Variants in SLC24A3 observed in about 807,000 individuals in gnomAD.
SLC24A3 encodes the protein solute carrier family 24 member 3.
In SLC24A3, 28 loss-of-function variants were observed where a neutral mutation model predicts 75.8. That is an observed-to-expected ratio of 0.37 (90% CI 0.27 to 0.51). SLC24A3 has a LOEUF of 0.51. Ranked by LOEUF, SLC24A3 falls within the 20% of genes least tolerant of loss-of-function variation. The pLI is 0.94. For synonymous variants in SLC24A3, 372 were observed against 334.1 expected (o/e 1.11, Z -1.24); for missense variants, 663 against 847.8 (o/e 0.78, Z 2.71).
chr20:19,633,692 A>G (rs999623584), intron 6 of SLC24A3, among the ~76,000 whole-genome samples: 4 of 149,136 alleles, frequency 2.7e-5, no homozygotes, highest in African/African-American at 9.8e-5. Flanking sequence ...GTATTGGATT[A>G]GGGTCCACCT....
At chr20:19,608,048 T>A (rs1177527566) in intron 6 of SLC24A3, among the ~76,000 whole-genome samples, 1 of 152,232 alleles carries the variant, frequency 6.6e-6, no homozygotes, top group African/African-American at 2.4e-5. Flanking sequence ...CATCTCCCAA[T>A]TTTAAAAGTG....
chr20:19,364,679 T>G (rs1445622305), intron 2 of SLC24A3, among the ~76,000 whole-genome samples: 1 of 152,156 alleles, frequency 6.6e-6, no homozygotes, highest in Non-Finnish European at 1.5e-5. Context: ...GGTCTCAAAC[T>G]CCTGGACTCA....
chr20:19,306,592 T>A (rs1232488054), intron 2 of SLC24A3, among the ~76,000 whole-genome samples: 3 of 152,070 alleles, frequency 2.0e-5, no homozygotes, highest in Non-Finnish European at 4.4e-5. Context: ...AAGTGAATTA[T>A]CGCAAGAACA....
intron 6 of SLC24A3, among the ~76,000 whole-genome samples, chr20:19,617,744 G>T (rs1390857638): frequency 6.6e-6 from 1 of 152,128 alleles, no homozygotes; most frequent in South Asian, 2.1e-4. Context: ...CCCATCCCTA[G>T]CCCATAAGTT....
intron 2 of SLC24A3, among the ~76,000 whole-genome samples, chr20:19,333,313 AATAT>A (rs1262769558): frequency 6.2e-4 from 95 of 152,204 alleles, no homozygotes; most frequent in African/African-American, 2.2e-3. Context: ...CCCTGGACTT[AATAT>A]TTATCTGCCC....
intron 6 of SLC24A3, among the ~76,000 whole-genome samples, chr20:19,629,293 A>T (rs1444066628): frequency 6.6e-6 from 1 of 152,196 alleles, no homozygotes; most frequent in East Asian, 1.9e-4. Flanking sequence ...TCAACAGTAT[A>T]CTGTATCAAG....
At chr20:19,401,279 C>T (rs1335477343) in intron 2 of SLC24A3, among the ~76,000 whole-genome samples, 1 of 152,210 alleles carries the variant, frequency 6.6e-6, no homozygotes, top group Non-Finnish European at 1.5e-5. Flanking sequence ...ACACCAGCCT[C>T]TCTCATCTCT....
intron 6 of SLC24A3, among the ~76,000 whole-genome samples, chr20:19,637,013 G>A (rs577265821): frequency 6.6e-6 from 1 of 152,278 alleles, no homozygotes; most frequent in East Asian, 1.9e-4. Flanking sequence ...AAAAGAAATT[G>A]TTGGCCTGGC....
At chr20:19,441,637 T>C (rs536153186) in intron 2 of SLC24A3, among the ~76,000 whole-genome samples, 22 of 152,194 alleles carry the variant, frequency 1.4e-4, no homozygotes, top group Admixed American at 9.8e-4. Context: ...TATATTAGTG[T>C]GGTACATTTA....
intron 8 of SLC24A3, among the ~76,000 whole-genome samples, chr20:19,666,413 G>A (rs2032400112): frequency 6.6e-6 from 1 of 152,112 alleles, no homozygotes; most frequent in Non-Finnish European, 1.5e-5. Flanking sequence ...GGCTGAGGCA[G>A]GAGAATGGCA....
At chr20:19,290,421 G>A (rs997223122) in intron 2 of SLC24A3, among the ~76,000 whole-genome samples, 3 of 152,168 alleles carry the variant, frequency 2.0e-5, no homozygotes, top group African/African-American at 4.8e-5. Flanking sequence ...TTAGGGGAAC[G>A]ATTAGGTCAT....
rs138162471 is a variant in SLC24A3 at position 19,250,991 on chromosome 20, A to G, written c.143-29968A>G. Among the ~76,000 whole-genome samples, 300 of 152,310 alleles carry G rather than the reference A, an allele frequency of 2.0e-3. 5 individuals carry two copies. The East Asian group carries it at 0.041, about 21-fold the overall frequency. On this transcript the variant is annotated intron_variant, in intron 1 of 16. Coordinates refer to ENST00000328041, the MANE Select transcript of SLC24A3 (RefSeq NM_020689.4). ...ACGTTTTAGTTTGTCCCATTCCAAAATCATTATACTTTTCCATATATAAAT... is the reference window on the plus strand; with the variant it reads ...ACGTTTTAGTTTGTCCCATTCCAAAGTCATTATACTTTTCCATATATAAAT...
chr20:19,613,366 A>C (rs1202039961), intron 6 of SLC24A3, among the ~76,000 whole-genome samples: 4 of 152,198 alleles, frequency 2.6e-5, no homozygotes, highest in Non-Finnish European at 4.4e-5. Flanking sequence ...CACCATAATC[A>C]AGTGCCTATC....
chr20:19,612,607 A>AGTGTGTGTGTGT (rs71198018), intron 6 of SLC24A3, among the ~76,000 whole-genome samples: 16,416 of 146,722 alleles, frequency 0.11, 973 homozygotes, highest in Admixed American at 0.15. Context: ...CCTTAAGAAA[A>AGTGTGTGTGTGT]GTGTGTGTGT....
At chr20:19,234,340 A>G (rs1982106791) in intron 1 of SLC24A3, among the ~76,000 whole-genome samples, 1 of 152,212 alleles carries the variant, frequency 6.6e-6, no homozygotes, top group South Asian at 2.1e-4. Flanking sequence ...ATTGCCTGTG[A>G]AAGAGAAGTT....
At chr20:19,365,568 TG>T (rs1230788759) in intron 2 of SLC24A3, among the ~76,000 whole-genome samples, 3 of 152,230 alleles carry the variant, frequency 2.0e-5, no homozygotes, top group Non-Finnish European at 4.4e-5. Context: ...GATTTTTTTT[TG>T]AAGTTGCTAT....
chr20:19,480,681 T>C (rs927438522), intron 2 of SLC24A3, among the ~76,000 whole-genome samples: 1 of 152,128 alleles, frequency 6.6e-6, no homozygotes, highest in African/African-American at 2.4e-5. Flanking sequence ...CTTATTCTCA[T>C]GGTTGGGAGG....
chr20:19,721,235 G>A lies in SLC24A3; in HGVS notation c.*95G>A, dbSNP rs1276793911. On this transcript the variant is annotated 3_prime_UTR_variant, in exon 17 of 17. Coordinates refer to ENST00000328041, the MANE Select transcript of SLC24A3 (RefSeq NM_020689.4). ...TCACACAGGCCCCCGGGGCCACGGCGTTCGTCTCTCCTGTGCTGTCCTCAG... is the reference window on the plus strand; with the variant it reads ...TCACACAGGCCCCCGGGGCCACGGCATTCGTCTCTCCTGTGCTGTCCTCAG... 22 of 1,510,056 alleles carry A rather than the reference G, an allele frequency of 1.5e-5. No homozygotes were observed. The highest frequency in any genetic ancestry group is 5.4e-5 in the Admixed American group (3 of 55,934). 93.5% of individuals were successfully genotyped at this position (1,510,056 alleles called of 1,614,324 possible).
intron 6 of SLC24A3, among the ~76,000 whole-genome samples, chr20:19,632,079 C>T (rs1002087117): frequency 1.3e-5 from 2 of 152,106 alleles, no homozygotes; most frequent in African/African-American, 2.4e-5. Flanking sequence ...AGGGTTTTGG[C>T]GCACCAGCTG....
Sources: gnomAD v4.1 joint callset for allele counts (sites outside exome capture counted in the v4.1 genomes callset) on GRCh38, gnomAD v4.1.1 for gene constraint, MANE v1.5 for transcripts, NCBI Gene and HGNC (gene_info 2026-07-23, HGNC 2026-07-21) for gene names.